SNX29: variants seen among roughly 807,000 people sequenced by gnomAD.
SNX29 encodes the protein sorting nexin-29.
A neutral mutation model predicts 102.1 loss-of-function variants in SNX29; 78 were observed. That is an observed-to-expected ratio of 0.76 (90% confidence interval 0.64 to 0.92). The LOEUF is 0.92. SNX29 is among the 40% of genes least tolerant of loss of function. The pLI is 0.00. For synonymous variants in SNX29, 580 were observed against 414.5 expected, an observed-to-expected ratio of 1.40 and a Z score of -4.85; for missense variants, 1,280 against 1,061.7, an observed-to-expected ratio of 1.21 and a Z score of -2.86.
In SNX29 at chr16:12,572,054, G is replaced by A. The variant is rs2079199334; in HGVS notation, c.*3425G>A. On this transcript the variant is annotated 3_prime_UTR_variant, in exon 21 of 21. Coordinates refer to ENST00000566228, the MANE Select transcript of SNX29 (RefSeq NM_032167.5). The stretch of plus-strand genomic sequence containing the variant: ...ATCATCCAGTGGAGTTGTAAACAAG[G>A]GAACCATCTTGCAAGATCTAGGAAG... 4.7e-6 allele frequency: 5 copies of A among 1,063,302 alleles called. No individual in the cohort carries two copies. Among genetic ancestry groups the A allele is most frequent in the Admixed American group, 1.1e-4 (2 of 18,656 alleles). 65.9% of individuals were successfully genotyped at this position (1,063,302 alleles called of 1,614,324 possible). A position where few individuals can be genotyped will look rare whatever the true frequency, so the allele number is the denominator to read the frequency against.
At chr16:12,551,060 G>A (rs1007403581) in intron 20 of SNX29, among the ~76,000 whole-genome samples, 1 of 152,120 alleles carries the variant, frequency 6.6e-6, no homozygotes, top group Non-Finnish European at 1.5e-5. Flanking sequence ...GAAGGAAGTG[G>A]GGTGTTTTCA....
At chr16:12,075,484 C>T (rs561744453) in intron 10 of SNX29, among the ~76,000 whole-genome samples, 1 of 152,186 alleles carries the variant, frequency 6.6e-6, no homozygotes, top group Non-Finnish European at 1.5e-5. Context: ...CAGGGATTTT[C>T]GTGATCCGCG....
At chr16:12,443,450 G>A (rs1482869255) in intron 18 of SNX29, 1 of 153,662 alleles carries the variant, frequency 6.5e-6, no homozygotes, top group Non-Finnish European at 1.4e-5. Flanking sequence ...ATCTTTCTAA[G>A]AGGAGCATGG....
chr16:11,987,559 G>C (rs954461196), intron 1 of SNX29, among the ~76,000 whole-genome samples: 1 of 152,098 alleles, frequency 6.6e-6, no homozygotes, highest in Non-Finnish European at 1.5e-5. Flanking sequence ...ACCACGCCCA[G>C]CTAATTTTTG....
intron 13 of SNX29, among the ~76,000 whole-genome samples, chr16:12,152,157 G>C (rs1375509687): frequency 6.6e-6 from 1 of 151,972 alleles, no homozygotes; most frequent in Non-Finnish European, 1.5e-5. Context: ...CGAGGTGAAG[G>C]TTGCAGTAAG....
rs1156596261 is a variant in SNX29 at position 12,572,292 on chromosome 16, C to T, written c.*3663C>T. On this transcript the variant is annotated 3_prime_UTR_variant, in exon 21 of 21. Transcript: ENST00000566228. The stretch of plus-strand genomic sequence containing the variant: ...TGATGCAACTAACAAGTACTGGGGC[C>T]AGTGATCACAATCCAGGTTGGAAAC... The T allele has an allele frequency of 7.0e-6, 7 of 1,002,566 alleles. No individual in the cohort carries two copies. Among genetic ancestry groups the T allele is most frequent in the African/African-American group, 4.8e-5 (2 of 41,830 alleles). The allele number at this position is 1,002,566 out of a possible 1,614,324, so 62.1% of individuals were successfully genotyped here.
intron 13 of SNX29, among the ~76,000 whole-genome samples, chr16:12,197,527 T>C (rs765257527): frequency 1.3e-5 from 2 of 152,154 alleles, no homozygotes; most frequent in Non-Finnish European, 2.9e-5. Flanking sequence ...GCCGAGATCA[T>C]GCTACTGCAC....
chr16:12,284,556 G>T (rs115582860), intron 15 of SNX29, among the ~76,000 whole-genome samples: 1,616 of 152,308 alleles, frequency 0.011, 25 homozygotes, highest in African/African-American at 0.037. Flanking sequence ...GGCCCATGGG[G>T]GCTTTAACTC....
At chr16:12,409,708 T>TA (rs969710480) in intron 18 of SNX29, among the ~76,000 whole-genome samples, 7 of 152,284 alleles carry the variant, frequency 4.6e-5, no homozygotes, top group African/African-American at 1.4e-4. Flanking sequence ...TGTTAGGCCT[T>TA]AAAAAAGCTC....
chr16:12,534,213 T>C (rs1372165676), intron 20 of SNX29, among the ~76,000 whole-genome samples: 1 of 152,050 alleles, frequency 6.6e-6, no homozygotes, highest in Admixed American at 6.5e-5. Context: ...TGAGAAAGGG[T>C]CCATTGGAGT....
chr16:12,296,860 C>G (rs1596802969), intron 15 of SNX29, among the ~76,000 whole-genome samples: 1 of 152,230 alleles, frequency 6.6e-6, no homozygotes, highest in Non-Finnish European at 1.5e-5. Flanking sequence ...GTGACTTGCT[C>G]TATGCCAGGG....
At chr16:12,542,203 C>T (rs553403733) in intron 20 of SNX29, among the ~76,000 whole-genome samples, 1 of 152,108 alleles carries the variant, frequency 6.6e-6, no homozygotes, top group African/African-American at 2.4e-5. Flanking sequence ...CACAGGGTGT[C>T]AAGGAATCTG....
At chr16:12,300,087 G>A (rs576846658) in intron 15 of SNX29, among the ~76,000 whole-genome samples, 1 of 152,160 alleles carries the variant, frequency 6.6e-6, no homozygotes, top group South Asian at 2.1e-4. Context: ...GGCCAGGCTC[G>A]TCTTGAACTC....
Position 12,568,691 on chromosome 16 carries a change from T to C in SNX29, c.*62T>C, listed in dbSNP as rs2079116952. Reference sequence around the variant, plus strand: ...CACCAGCTGCGTCCACCCCAGCCACTGCCGCTGGCCCCTCACCTCAGCGTG... The same window carrying C: ...CACCAGCTGCGTCCACCCCAGCCACCGCCGCTGGCCCCTCACCTCAGCGTG... On this transcript the variant is annotated 3_prime_UTR_variant, in exon 21 of 21. Transcript: ENST00000566228. 3.8e-6 allele frequency: 6 copies of C among 1,579,036 alleles called. No homozygotes were observed. Among genetic ancestry groups the C allele is most frequent in the Non-Finnish European group, 5.1e-6 (6 of 1,167,862 alleles).
chr16:12,186,445 A>G (rs1567290515), intron 13 of SNX29, among the ~76,000 whole-genome samples: 5 of 152,226 alleles, frequency 3.3e-5, no homozygotes, highest in Non-Finnish European at 1.5e-5. Flanking sequence ...TTGCCCCTAA[A>G]TACTCAAGCA....
intron 13 of SNX29, among the ~76,000 whole-genome samples, chr16:12,137,367 C>T (rs1295361014): frequency 1.3e-5 from 2 of 152,332 alleles, no homozygotes; most frequent in Non-Finnish European, 1.5e-5. Flanking sequence ...CATCTTAGAG[C>T]CCTTGGCCCC....
At chr16:12,558,031 A>G (rs2078480227) in intron 20 of SNX29, among the ~76,000 whole-genome samples, 1 of 152,110 alleles carries the variant, frequency 6.6e-6, no homozygotes, top group African/African-American at 2.4e-5. Context: ...GAGCACTGTG[A>G]GGTAATTGGC....
chr16:12,197,853 C>CT (rs746331829), intron 13 of SNX29, among the ~76,000 whole-genome samples: 407 of 143,140 alleles, frequency 2.8e-3, no homozygotes, highest in African/African-American at 4.8e-3. Flanking sequence ...GAGTTTGATC[C>CT]TTTTTTTTTT....
intron 19 of SNX29, among the ~76,000 whole-genome samples, chr16:12,489,045 C>T (rs571577625): frequency 2.0e-5 from 3 of 152,270 alleles, no homozygotes; most frequent in South Asian, 4.1e-4. Flanking sequence ...CTCTAAAAGC[C>T]TTCTGAAAAG....
Sources: allele counts gnomAD v4.1 joint callset (sites outside exome capture counted in the v4.1 genomes callset), GRCh38; gene constraint gnomAD v4.1.1; transcripts MANE v1.5; gene names NCBI Gene and HGNC (gene_info 2026-07-23, HGNC 2026-07-21).